The following PRICKLE1 variants were observed in gnomAD, a reference collection of about 807,000 sequenced individuals.
PRICKLE1 encodes the protein prickle-like protein 1.
In PRICKLE1, 14 loss-of-function variants were observed where a neutral mutation model predicts 70.2. The observed-to-expected ratio is 0.20, with a 90% confidence interval of 0.13 to 0.31. PRICKLE1 has a LOEUF of 0.31. Among genes scored for constraint, PRICKLE1 ranks in the 10% least tolerant of loss-of-function variants. PRICKLE1 has a pLI of 1.00. For synonymous variants in PRICKLE1, 357 were observed against 379.9 expected (o/e 0.94, Z 0.70); for missense variants, 821 against 1,026.2 (o/e 0.80, Z 2.73).
intron 5 of PRICKLE1, among the ~76,000 whole-genome samples, chr12:42,467,273 T>C (rs928376063): frequency 3.3e-5 from 5 of 152,074 alleles, no homozygotes; most frequent in South Asian, 2.1e-4. Context: ...CATGCCACCA[T>C]GCCCAGCTAA....
intron 1 of PRICKLE1, among the ~76,000 whole-genome samples, chr12:42,491,780 CTTTT>C (rs57837176): frequency 8.0e-6 from 1 of 124,474 alleles, no homozygotes; most frequent in Non-Finnish European, 1.7e-5. Context: ...ACTGCTCCAT[CTTTT>C]TTTTTTTTTT....
chr12:42,535,030 C>T (rs1161820636), intron 1 of PRICKLE1, among the ~76,000 whole-genome samples: 1 of 152,202 alleles, frequency 6.6e-6, no homozygotes, highest in Non-Finnish European at 1.5e-5. Context: ...TGGGGCAGAA[C>T]CCACCCTCGG....
chr12:42,456,837 T>A lies in PRICKLE1; in HGVS notation c.*2972A>T, dbSNP rs1007084498. ...TGCTTCTTTCTTCCGTTGTAGATAG[T>A]CTTCTGTTATTGCTACAAACTGGGA... On this transcript the variant is annotated 3_prime_UTR_variant, in exon 8 of 8. Coordinates refer to ENST00000345127, the MANE Select transcript of PRICKLE1 (RefSeq NM_153026.3). 5 of 152,172 alleles carry A rather than the reference T, an allele frequency of 3.3e-5. No homozygotes were observed. Among genetic ancestry groups the A allele is most frequent in the African/African-American group, 4.8e-5 (2 of 41,442 alleles). The allele number at this position is 152,172 out of a possible 1,614,324, so 9.4% of individuals were successfully genotyped here. A position where few individuals can be genotyped will look rare whatever the true frequency, so the allele number is the denominator to read the frequency against.
intron 1 of PRICKLE1, chr12:42,584,545 T>A (rs563939171): frequency 5.9e-5 from 9 of 152,284 alleles, no homozygotes; most frequent in African/African-American, 2.2e-4. Flanking sequence ...GACTTCTTTT[T>A]TTTTTAAAGG....
intron 1 of PRICKLE1, among the ~76,000 whole-genome samples, chr12:42,542,148 C>G (rs1478959153): frequency 6.6e-6 from 1 of 152,092 alleles, no homozygotes; most frequent in East Asian, 1.9e-4. Flanking sequence ...ACTCTACGAA[C>G]AGGGTGTGAG....
At chr12:42,554,409 T>A (rs1428912949) in intron 1 of PRICKLE1, among the ~76,000 whole-genome samples, 1 of 152,344 alleles carries the variant, frequency 6.6e-6, no homozygotes, top group Non-Finnish European at 1.5e-5. Context: ...CAAAGCCGTA[T>A]ACAAATGACC....
intron 1 of PRICKLE1, among the ~76,000 whole-genome samples, chr12:42,477,740 CT>C (rs1420710114): frequency 1.3e-5 from 2 of 151,696 alleles, no homozygotes; most frequent in Non-Finnish European, 2.9e-5. Context: ...TAAATCAGAC[CT>C]AATAGAAAAA....
chr12:42,490,229 G>C (rs1261291275), intron 1 of PRICKLE1, among the ~76,000 whole-genome samples: 1 of 152,176 alleles, frequency 6.6e-6, no homozygotes, highest in Non-Finnish European at 1.5e-5. Flanking sequence ...GTGAAGGTGG[G>C]GTGACATTTG....
At chr12:42,536,059 T>G (rs1208042756) in intron 1 of PRICKLE1, among the ~76,000 whole-genome samples, 4 of 152,162 alleles carry the variant, frequency 2.6e-5, no homozygotes, top group African/African-American at 4.8e-5. Flanking sequence ...AGAAAAGTCT[T>G]GGTTCTCTGG....
At chr12:42,483,331 C>T (rs887876282) in intron 1 of PRICKLE1, 8 of 152,340 alleles carry the variant, frequency 5.3e-5, no homozygotes, top group African/African-American at 1.9e-4. Context: ...TCAGTCCCCG[C>T]CGCCGGCTGC....
At chr12:42,574,404 T>G (rs751795312) in intron 1 of PRICKLE1, among the ~76,000 whole-genome samples, 4 of 152,176 alleles carry the variant, frequency 2.6e-5, no homozygotes, top group Non-Finnish European at 4.4e-5. Context: ...TGGGCAACAC[T>G]CTGAACCCCA....
intron 1 of PRICKLE1, among the ~76,000 whole-genome samples, chr12:42,479,935 CAAGAGCGAAACTCCATCTTAAAAAAAAAA>C: frequency 6.6e-6 from 1 of 151,276 alleles, no homozygotes; most frequent in East Asian, 2.0e-4. Context: ...GCCTGGGCAA[CAAGAGCGAAACTCCATCTTAAAAAAAAAA>C]AAAATTCCAT....
At chr12:42,479,293 G>A (rs550031825) in intron 1 of PRICKLE1, among the ~76,000 whole-genome samples, 118 of 152,270 alleles carry the variant, frequency 7.7e-4, no homozygotes, top group Non-Finnish European at 1.4e-3. Flanking sequence ...CCTTCTGAAC[G>A]GCAGACAATT....
intron 1 of PRICKLE1, among the ~76,000 whole-genome samples, chr12:42,587,459 C>A (rs1464878016): frequency 1.3e-5 from 2 of 152,274 alleles, no homozygotes; most frequent in East Asian, 3.9e-4. Flanking sequence ...GTGTGCAAAC[C>A]CTTAACTGTG....
intron 1 of PRICKLE1, among the ~76,000 whole-genome samples, chr12:42,496,630 T>C (rs1939206557): frequency 6.6e-6 from 1 of 152,260 alleles, no homozygotes; most frequent in South Asian, 2.1e-4. Context: ...TCAGTGATCT[T>C]AGCTGGATCT....
intron 1 of PRICKLE1, among the ~76,000 whole-genome samples, chr12:42,522,317 C>T (rs371011850): frequency 5.3e-5 from 8 of 152,018 alleles, no homozygotes; most frequent in African/African-American, 1.7e-4. Context: ...TACCCACACT[C>T]GTCTCAAACT....
intron 1 of PRICKLE1, among the ~76,000 whole-genome samples, chr12:42,504,999 G>T (rs943321970): frequency 2.6e-5 from 4 of 152,088 alleles, no homozygotes; most frequent in Non-Finnish European, 4.4e-5. Context: ...AATTAGCCGA[G>T]CGTGGTGGCG....
chr12:42,572,404 C>G (rs950357123), intron 1 of PRICKLE1, among the ~76,000 whole-genome samples: 1 of 150,780 alleles, frequency 6.6e-6, no homozygotes. Context: ...CCATTGCACT[C>G]CAGCCTGGGT....
intron 1 of PRICKLE1, among the ~76,000 whole-genome samples, chr12:42,507,843 C>G (rs1939445366): frequency 6.6e-6 from 1 of 152,178 alleles, no homozygotes; most frequent in Non-Finnish European, 1.5e-5. Context: ...GCAGTATTGA[C>G]AATGTTAATT....
Sources: allele counts gnomAD v4.1 joint callset (sites outside exome capture counted in the v4.1 genomes callset), GRCh38; gene constraint gnomAD v4.1.1; transcripts MANE v1.5; gene names NCBI Gene and HGNC (gene_info 2026-07-23, HGNC 2026-07-21).